HROB: variants seen among roughly 807,000 people sequenced by gnomAD.
The protein encoded by HROB is homologous recombination factor with OB-fold, also known as homologous recombination OB-fold protein.
Under a neutral mutation model 61.0 loss-of-function variants are expected in HROB, and 44 were observed. That is an observed-to-expected ratio of 0.72 (90% confidence interval 0.57 to 0.93). The LOEUF is 0.93. Among genes scored for constraint, HROB ranks in the 40% least tolerant of loss-of-function variants. The pLI is 0.00. For synonymous variants in HROB, 301 were observed against 310.4 expected, an observed-to-expected ratio of 0.97 and a Z score of 0.32; for missense variants, 716 against 796.2, an observed-to-expected ratio of 0.90 and a Z score of 1.21.
Position 44,148,851 on chromosome 17 carries a change from G to A in HROB, c.1048G>A (p.Gly350Arg), listed in dbSNP as rs1413185273. 1 of 1,614,014 alleles carries A rather than the reference G, an allele frequency of 6.2e-7. No individual in the cohort carries two copies. Among genetic ancestry groups the A allele is most frequent in the Non-Finnish European group, 8.5e-7 (1 of 1,180,042 alleles). Residue 350 changes from glycine to arginine, a missense_variant, in exon 3 of 10, where the codon GGG becomes AGG. Gly to Arg is a moderately radical substitution (Grantham distance 125, BLOSUM62 -2). Transcript: ENST00000585683. ...ACCGCAAGCTCCAGTGTCTTCCATTGGGTCTCCTGTTGGTACCCCAAAAGG... is the reference window on the plus strand; with the variant it reads ...ACCGCAAGCTCCAGTGTCTTCCATTAGGTCTCCTGTTGGTACCCCAAAAGG... Reference protein sequence around the residue: ...LQPQAPVSSIGSPVGTPKGPQ... With the variant: ...LQPQAPVSSIRSPVGTPKGPQ...
At chr17:44,150,380 CTT>C (rs918101029) in intron 3 of HROB, among the ~76,000 whole-genome samples, 1 of 134,016 alleles carries the variant, frequency 7.5e-6, no homozygotes, top group Non-Finnish European at 1.5e-5. Context: ...CTCAATTTTT[CTT>C]TCTTTCTTTC....
At position 44,148,770 on chromosome 17, in the gene HROB, A is replaced by G. The variant is rs1357506939; in HGVS notation, c.967A>G (p.Ser323Gly). 3 of 1,614,138 alleles carry G rather than the reference A, an allele frequency of 1.9e-6. No individual in the cohort carries two copies. Among genetic ancestry groups the G allele is most frequent in the East Asian group, 4.5e-5 (2 of 44,892 alleles). ...HLPRPRTPNSSCSTPSRTSSG... is the reference protein window; with the variant it reads ...HLPRPRTPNSGCSTPSRTSSG... ...ACCCAGACCTCGAACTCCCAACTCA[A>G]GCTGTTCTACTCCCTCAAGGACTAG... The change falls in exon 3 of 10, where the codon AGC becomes GGC. Residue 323 changes from serine (S) to glycine (G), a missense_variant. Ser to Gly is a moderately conservative substitution (Grantham distance 56, BLOSUM62 0). Coordinates refer to ENST00000585683, the MANE Select transcript of HROB (RefSeq NM_001171251.3).
chr17:44,150,675 G>A (rs1344998391), intron 3 of HROB, among the ~76,000 whole-genome samples: 2 of 152,180 alleles, frequency 1.3e-5, no homozygotes, highest in Admixed American at 1.3e-4. Flanking sequence ...ACAGGTGTGA[G>A]CCGCCACGCC....
intron 2 of HROB, among the ~76,000 whole-genome samples, chr17:44,146,498 G>A (rs908062116): frequency 3.9e-5 from 6 of 152,134 alleles, no homozygotes; most frequent in Non-Finnish European, 5.9e-5. Flanking sequence ...AGGTGATGAT[G>A]GGACTGCTAA....
chr17:44,159,591 CTATT>C (rs1350542673), intron 9 of HROB, among the ~76,000 whole-genome samples: 1 of 152,224 alleles, frequency 6.6e-6, no homozygotes, highest in African/African-American at 2.4e-5. Context: ...GGATGCGCTG[CTATT>C]TATTGTATAC....
intron 4 of HROB, 111 bp from the exon 5 acceptor site, chr17:44,152,526 T>C: frequency 2.3e-6 from 3 of 1,308,064 alleles, no homozygotes; most frequent in Non-Finnish European, 3.1e-6. Context: ...TACTACAGTT[T>C]TTCCGAGGGG....
intron 2 of HROB, among the ~76,000 whole-genome samples, chr17:44,146,566 A>G (rs2053616244): frequency 6.6e-6 from 1 of 152,198 alleles, no homozygotes; most frequent in South Asian, 2.1e-4. Context: ...TTCCTTGAAA[A>G]TGGCAGATCA....
chr17:44,161,431 G>C (rs919540435), intron 9 of HROB, among the ~76,000 whole-genome samples: 1 of 152,136 alleles, frequency 6.6e-6, no homozygotes, highest in Non-Finnish European at 1.5e-5. Context: ...TTTGAGGAAG[G>C]GGGTGATATT....
chr17:44,144,646 C>T (rs1256118920), intron 1 of HROB, among the ~76,000 whole-genome samples: 1 of 151,806 alleles, frequency 6.6e-6, no homozygotes, highest in Non-Finnish European at 1.5e-5. Flanking sequence ...AACTCCTGGG[C>T]TCTAGGGATC....
At position 44,161,916 on chromosome 17, in the gene HROB, G is replaced by C. The variant is rs780591729; in HGVS notation, c.1925G>C (p.Cys642Ser). 31 of 1,614,092 alleles carry C rather than the reference G, an allele frequency of 1.9e-5. No homozygotes were observed. The highest frequency in any genetic ancestry group is 1.6e-4 in the Middle Eastern group (1 of 6,084). Residue 642 changes from cysteine (C) to serine (S), a missense_variant, in exon 10 of 10, where the codon TGT becomes TCT. Cys to Ser is a moderately radical substitution (Grantham distance 112). Coordinates refer to ENST00000585683, the MANE Select transcript of HROB (RefSeq NM_001171251.3). ...LLSELPEDFFCGTSS is the reference protein window; with the variant it reads ...LLSELPEDFFSGTSS The stretch of plus-strand genomic sequence containing the variant: ...AGTGAGCTTCCTGAAGACTTCTTCT[G>C]TGGGACCAGTAGTTGAGACTGCCCC...
At chr17:44,151,109 C>G in intron 4 of HROB, 65 bp downstream of exon 4, 1 of 1,478,052 alleles carries the variant, frequency 6.8e-7, no homozygotes, top group Non-Finnish European at 9.4e-7. Flanking sequence ...CTGTGTGTTT[C>G]AGGAGTTAAG....
At chr17:44,147,699 G>T in intron 2 of HROB, 159 bp from the exon 3 acceptor site, 1 of 719,784 alleles carries the variant, frequency 1.4e-6, no homozygotes, top group Non-Finnish European at 2.2e-6. Flanking sequence ...GCCTCCCAAA[G>T]TGCTGGGATT....
chr17:44,148,001 T>C lies in HROB; in HGVS notation c.198T>C (p.Thr66=). The change falls in exon 3 of 10, where the codon ACT becomes ACC. Residue 66 remains threonine (T), a synonymous_variant. Transcript: ENST00000585683. ...QSSRLLLLHP[T]APSEALGLPD... is the part of the protein sequence containing the mutation. ...CCAGGCTGCTGCTGTTACACCCCAC[T>C]GCTCCCTCAGAGGCTTTGGGCCTGC... 2 of 1,614,028 alleles carry C rather than the reference T, an allele frequency of 1.2e-6. No individual in the cohort carries two copies. Among genetic ancestry groups the C allele is most frequent in the East Asian group, 2.2e-5 (1 of 44,870 alleles).
chr17:44,147,019 T>C (rs1461082759), intron 2 of HROB, among the ~76,000 whole-genome samples: 1 of 134,650 alleles, frequency 7.4e-6, no homozygotes. Flanking sequence ...AGGGTAGCTA[T>C]CTCTGTGTAG....
intron 5 of HROB, chr17:44,154,343 A>T (rs1345726416): frequency 1.9e-6 from 1 of 525,782 alleles, no homozygotes; most frequent in Admixed American, 3.1e-5. Flanking sequence ...TCAAAAAATA[A>T]AAAAGAACGG....
intron 9 of HROB, among the ~76,000 whole-genome samples, chr17:44,160,079 C>T (rs770039245): frequency 1.3e-5 from 2 of 152,214 alleles, no homozygotes; most frequent in South Asian, 4.1e-4. Flanking sequence ...TAACGGGTGC[C>T]TTACCAGGCA....
rs1022946330 is a variant in HROB, at chr17:44,162,290, G to T, written c.*358G>T. 2.1e-4 allele frequency: 48 copies of T among 226,174 alleles called. 1 individual carries two copies. Among genetic ancestry groups the T allele is most frequent in the African/African-American group, 1.1e-3 (47 of 43,574 alleles). The allele number at this position is 226,174 out of a possible 1,614,324, so 14.0% of individuals were successfully genotyped here. ...ACCCTAGTCCCTGGACAGCTGAGGAGATGAAAGGAGCCACACCACAACAAT... is the reference window on the plus strand; with the variant it reads ...ACCCTAGTCCCTGGACAGCTGAGGATATGAAAGGAGCCACACCACAACAAT... On this transcript the variant is annotated 3_prime_UTR_variant, in exon 10 of 10. Coordinates refer to ENST00000585683, the MANE Select transcript of HROB (RefSeq NM_001171251.3).
intron 5 of HROB, among the ~76,000 whole-genome samples, chr17:44,153,466 A>AT (rs1212706789): frequency 6.6e-6 from 1 of 151,966 alleles, no homozygotes; most frequent in Non-Finnish European, 1.5e-5. Flanking sequence ...TTTAAAAAAA[A>AT]CCCAAGGCCG....
intron 6 of HROB, 79 bp from the exon 7 acceptor site, chr17:44,154,774 C>T: frequency 6.3e-7 from 1 of 1,591,146 alleles, no homozygotes. Flanking sequence ...CAGTGAGCAG[C>T]CCACTTCCCA....
Sources: allele counts gnomAD v4.1 joint callset (sites outside exome capture counted in the v4.1 genomes callset), GRCh38; gene constraint gnomAD v4.1.1; transcripts MANE v1.5; gene names NCBI Gene and HGNC (gene_info 2026-07-23, HGNC 2026-07-21).